HSD17B12: variants seen among roughly 807,000 people sequenced by gnomAD.
HSD17B12 encodes very-long-chain 3-oxoacyl-CoA reductase.
Under a neutral mutation model 39.3 loss-of-function variants are expected in HSD17B12, and 32 were observed. The observed-to-expected ratio is 0.81, with a 90% CI of 0.61 to 1.09. HSD17B12 has a LOEUF of 1.09. Among genes scored for constraint, HSD17B12 ranks in the 50% least tolerant of loss-of-function variants. HSD17B12 has a pLI of 0.00. For missense variants in HSD17B12, 342 were observed against 382.9 expected (o/e 0.89, Z 0.89); for synonymous variants, 150 against 146.7 (o/e 1.02, Z -0.16).
chr11:43,826,798 A>G (rs1051900293), intron 6 of HSD17B12, among the ~76,000 whole-genome samples: 1 of 152,222 alleles, frequency 6.6e-6, no homozygotes, highest in African/African-American at 2.4e-5. Flanking sequence ...GCGGTGCTCA[A>G]ATTACACAGT....
At chr11:43,561,147 T>A in the HSD17B12 span, among the ~76,000 whole-genome samples, 1 of 152,294 alleles carries the variant, frequency 6.6e-6, no homozygotes, top group Non-Finnish European at 1.5e-5. Context: ...CTTGGTCCCA[T>A]CCAGGAGATA....
intron 1 of HSD17B12, among the ~76,000 whole-genome samples, chr11:43,739,252 G>A (rs1387484011): frequency 2.6e-5 from 4 of 152,130 alleles, no homozygotes; most frequent in Admixed American, 2.6e-4. Context: ...AGTACTATGG[G>A]GCAGAGAATT....
At chr11:43,768,397 C>T (rs921433478) in intron 3 of HSD17B12, among the ~76,000 whole-genome samples, 1 of 152,208 alleles carries the variant, frequency 6.6e-6, no homozygotes, top group African/African-American at 2.4e-5. Flanking sequence ...CTCTGTACCC[C>T]AGGCTAGAGC....
intron 1 of HSD17B12, among the ~76,000 whole-genome samples, chr11:43,694,086 G>A (rs1362236280): frequency 6.6e-6 from 1 of 152,184 alleles, no homozygotes; most frequent in East Asian, 1.9e-4. Flanking sequence ...TTAATAAAAT[G>A]TTACTGTAAT....
chr11:43,605,475 C>T, the HSD17B12 span, among the ~76,000 whole-genome samples: 2 of 151,404 alleles, frequency 1.3e-5, no homozygotes, highest in South Asian at 2.1e-4. Context: ...GCAGGAGAAT[C>T]GCTTTAACCC....
chr11:43,732,111 G>C (rs113393955), intron 1 of HSD17B12, among the ~76,000 whole-genome samples: 17,353 of 152,090 alleles, frequency 0.11, 1,166 homozygotes, highest in Middle Eastern at 0.18. Context: ...CCTCCATGCT[G>C]TTCTCCTGAT....
rs182569843 is a variant in HSD17B12, at chr11:43,701,711, A to G, written c.160+20724A>G. Among the ~76,000 whole-genome samples the G allele has an allele frequency of 9.7e-4, 147 of 152,248 alleles. 1 individual carries two copies. The highest frequency in any genetic ancestry group is 1.8e-3 in the Admixed American group (28 of 15,290). On this transcript the variant is annotated intron_variant, in intron 1 of 10. Coordinates refer to ENST00000278353, the MANE Select transcript of HSD17B12 (RefSeq NM_016142.3). ...GTGTGTCTGCTTTTATGCCCATACCATGCTGTTTTAGTTATTATACCTCTG... is the reference window on the plus strand; with the variant it reads ...GTGTGTCTGCTTTTATGCCCATACCGTGCTGTTTTAGTTATTATACCTCTG...
chr11:43,644,086 G>A, the HSD17B12 span, among the ~76,000 whole-genome samples: 1 of 152,358 alleles, frequency 6.6e-6, no homozygotes, highest in East Asian at 1.9e-4. Flanking sequence ...CAGATTGAAA[G>A]GGTGAAAGTA....
the HSD17B12 span, among the ~76,000 whole-genome samples, chr11:43,662,199 CT>C: frequency 0.86 from 107,592 of 124,586 alleles, 47,687 homozygotes; most frequent in Non-Finnish European, 0.96. Flanking sequence ...GCCCACGTCT[CT>C]TTTTTTTTTT....
chr11:43,617,075 T>G, the HSD17B12 span, among the ~76,000 whole-genome samples: 2 of 152,078 alleles, frequency 1.3e-5, no homozygotes, highest in African/African-American at 4.8e-5. Context: ...ACTTGGCAAT[T>G]AAAGAGATGG....
chr11:43,675,396 G>A, the HSD17B12 span, among the ~76,000 whole-genome samples: 5 of 152,124 alleles, frequency 3.3e-5, no homozygotes, highest in African/African-American at 1.2e-4. Flanking sequence ...GGAAGTGGAA[G>A]TGTAATAGAA....
chr11:43,792,682 C>CTTTTTTTTTTT (rs60140879), intron 3 of HSD17B12, among the ~76,000 whole-genome samples: 3 of 101,296 alleles, frequency 3.0e-5, no homozygotes, highest in Non-Finnish European at 5.6e-5. Context: ...TCAATGTAAC[C>CTTTTTTTTTTT]TTTTTTTTTT....
At position 43,830,963 on chromosome 11, in the gene HSD17B12, TTCTC is replaced by T. The variant is rs1204567912; in HGVS notation, c.502-9_502-6del. 25 of 1,608,246 alleles carry T rather than the reference TTCTC, an allele frequency of 1.6e-5. No homozygotes were observed. The highest frequency in any genetic ancestry group is 2.1e-5 in the Non-Finnish European group (25 of 1,176,956). On this transcript the variant is annotated splice_polypyrimidine_tract_variant and intron_variant, in intron 6 of 10. Coordinates refer to ENST00000278353, the MANE Select transcript of HSD17B12 (RefSeq NM_016142.3). The stretch of plus-strand genomic sequence containing the variant: ...CCTTGGCCATCATGAATGTTTTGCT[TTCTC>T]TCTTGCAGATGACACAATTGGTACT...
chr11:43,632,707 T>C, the HSD17B12 span, among the ~76,000 whole-genome samples: 1 of 152,224 alleles, frequency 6.6e-6, no homozygotes, highest in African/African-American at 2.4e-5. Context: ...TTGGAAGCAG[T>C]TCATGTTGAC....
chr11:43,821,385 C>A (rs1464788619), intron 6 of HSD17B12, among the ~76,000 whole-genome samples: 1 of 152,144 alleles, frequency 6.6e-6, no homozygotes, highest in Non-Finnish European at 1.5e-5. Flanking sequence ...ACCAATATGG[C>A]AGGTAGATCA....
chr11:43,752,608 G>A (rs1482882540), intron 2 of HSD17B12, among the ~76,000 whole-genome samples: 3 of 152,048 alleles, frequency 2.0e-5, no homozygotes, highest in Non-Finnish European at 4.4e-5. Context: ...CAGCTACTCA[G>A]GAGGCTGAGG....
At chr11:43,608,101 G>A in the HSD17B12 span, among the ~76,000 whole-genome samples, 1 of 152,156 alleles carries the variant, frequency 6.6e-6, no homozygotes, top group South Asian at 2.1e-4. Context: ...AGGTGCGGTG[G>A]CTCACGTCTG....
intron 4 of HSD17B12, among the ~76,000 whole-genome samples, chr11:43,808,636 A>G (rs927396598): frequency 6.6e-6 from 1 of 152,176 alleles, no homozygotes; most frequent in African/African-American, 2.4e-5. Flanking sequence ...ATGTATAGCA[A>G]ATCTTACCTA....
At chr11:43,752,951 A>C (rs1018249725) in intron 2 of HSD17B12, among the ~76,000 whole-genome samples, 1 of 152,156 alleles carries the variant, frequency 6.6e-6, no homozygotes, top group Admixed American at 6.5e-5. Flanking sequence ...AATATCACTC[A>C]CTACTTAATA....
Sources: allele counts gnomAD v4.1 joint callset (sites outside exome capture counted in the v4.1 genomes callset), GRCh38; gene constraint gnomAD v4.1.1; transcripts MANE v1.5; gene names NCBI Gene and HGNC (gene_info 2026-07-23, HGNC 2026-07-21).